POF1B: variants seen among roughly 807,000 people sequenced by gnomAD.
POF1B encodes POF1B actin binding protein.
A neutral mutation model predicts 55.3 loss-of-function variants in POF1B; 53 were observed. The observed-to-expected ratio is 0.96, with a 90% CI of 0.77 to 1.20. POF1B has a LOEUF of 1.20. POF1B is among the 50% of genes most tolerant of loss of function. POF1B has a pLI of 0.00. For missense variants in POF1B, 478 were observed against 420.5 expected (o/e 1.14, Z -1.20); for synonymous variants, 188 against 148.3 (o/e 1.27, Z -1.95).
intron 7 of POF1B, among the ~76,000 whole-genome samples, chrX:85,316,174 A>G: frequency 9.0e-6 from 1 of 111,555 alleles, no homozygotes; most frequent in Non-Finnish European, 1.9e-5. Context: ...CAAGTTCTTC[A>G]TACCCTCTTT....
At chrX:85,372,772 A>ATATATATATATATATAT (rs1193270205) in intron 2 of POF1B, among the ~76,000 whole-genome samples, 5 of 101,474 alleles carry the variant, frequency 4.9e-5, no homozygotes, top group African/African-American at 1.8e-4. Context: ...TATTATATAT[A>ATATATATATATATATAT]CTATATATAT....
intron 4 of POF1B, among the ~76,000 whole-genome samples, chrX:85,353,632 AC>A (rs1361098076): frequency 9.0e-6 from 1 of 110,800 alleles, no homozygotes; most frequent in African/African-American, 3.3e-5. Flanking sequence ...TCCCAAAGAG[AC>A]TCTTTTACAA....
In POF1B at chrX:85,379,269, C is replaced by T. The variant is rs770409277; in HGVS notation, c.186G>A (p.Val62=). Residue 62 remains valine, a synonymous_variant, in exon 2 of 17, where the codon GTG becomes GTA. Transcript: ENST00000262753. ...AGTTGAAGGGGTCCAAGGCCTGCACCACCTTGTTCATGGGCCCACTGTAGG... is the reference window on the plus strand; with the variant it reads ...AGTTGAAGGGGTCCAAGGCCTGCACTACCTTGTTCATGGGCCCACTGTAGG... The part of the protein sequence containing the change: ...VRTYSGPMNK[V]VQALDPFNSR... The T allele has an allele frequency of 3.3e-6, 4 of 1,208,072 alleles. No homozygotes were observed. Among genetic ancestry groups the T allele is most frequent in the East Asian group, 5.9e-5 (2 of 33,663 alleles).
At chrX:85,306,902 A>G (rs1022901459) in intron 11 of POF1B, among the ~76,000 whole-genome samples, 4 of 111,828 alleles carry the variant, frequency 3.6e-5, no homozygotes, top group Non-Finnish European at 7.5e-5. Flanking sequence ...GATTTTTAGT[A>G]TTTCTACAAT....
At chrX:85,365,511 CTA>C (rs1386226349) in intron 3 of POF1B, among the ~76,000 whole-genome samples, 1 of 111,718 alleles carries the variant, frequency 9.0e-6, no homozygotes, top group Non-Finnish European at 1.9e-5. Flanking sequence ...TCACAGGGGG[CTA>C]TGTTAGTGAG....
rs767949671 is a variant in POF1B at position 85,346,259 on chromosome X, G to A, written c.541-217C>T. On this transcript the variant is annotated intron_variant, in intron 5 of 16. Coordinates refer to ENST00000262753, the MANE Select transcript of POF1B (RefSeq NM_024921.4). ...TTTGATCAGGTTGTCGTGACCATCC[G>A]AATACTTATGTAGATTGGCCAAGGC... 6.4e-5 allele frequency among the ~76,000 whole-genome samples: 7 copies of A among 109,265 alleles called. No individual in the cohort carries two copies. The East Asian group carries it at 1.2e-3, about 18-fold the overall frequency. The allele number at this position is 109,265 out of a possible 115,157, so 94.9% of individuals were successfully genotyped here.
intron 16 of POF1B, among the ~76,000 whole-genome samples, chrX:85,279,823 A>C (rs2147886011): frequency 9.0e-6 from 1 of 110,942 alleles, no homozygotes; most frequent in East Asian, 2.8e-4. Flanking sequence ...GCACATTTTT[A>C]ATGGAGAGAG....
chrX:85,329,277 AAG>A (rs1185403344), intron 7 of POF1B, among the ~76,000 whole-genome samples: 1 of 111,859 alleles, frequency 8.9e-6, no homozygotes, highest in Non-Finnish European at 1.9e-5. Context: ...AACATGTGTA[AAG>A]AGATGAAATA....
chrX:85,345,408 T>C (rs1392044286), intron 6 of POF1B, among the ~76,000 whole-genome samples: 1 of 111,544 alleles, frequency 9.0e-6, no homozygotes, highest in African/African-American at 3.2e-5. Context: ...ACAAATAATA[T>C]ATTCTCAAAG....
intron 2 of POF1B, among the ~76,000 whole-genome samples, chrX:85,375,224 C>T (rs1251432531): frequency 8.9e-6 from 1 of 111,808 alleles, no homozygotes; most frequent in South Asian, 3.7e-4. Context: ...AAAAAGTTGG[C>T]TGAAATATAT....
At chrX:85,337,425 T>G (rs1933096666) in intron 6 of POF1B, among the ~76,000 whole-genome samples, 1 of 111,818 alleles carries the variant, frequency 8.9e-6, no homozygotes, top group Non-Finnish European at 1.9e-5. Context: ...GAAGTTACAT[T>G]CAGGTACTGT....
At chrX:85,350,138 T>A (rs1320905672) in intron 5 of POF1B, among the ~76,000 whole-genome samples, 1 of 110,093 alleles carries the variant, frequency 9.1e-6, no homozygotes, top group African/African-American at 3.3e-5. Flanking sequence ...ACCCACTAAC[T>A]CGTCATTTAG....
chrX:85,353,305 G>C (rs1933425831), intron 4 of POF1B, among the ~76,000 whole-genome samples: 1 of 111,023 alleles, frequency 9.0e-6, no homozygotes, highest in South Asian at 3.7e-4. Context: ...GGTTCTTCAA[G>C]CAGTGAGAAG....
intron 9 of POF1B, among the ~76,000 whole-genome samples, chrX:85,308,670 G>T (rs183198931): frequency 2.4e-3 from 264 of 110,171 alleles, no homozygotes; most frequent in African/African-American, 6.4e-3. Context: ...AATATTTTTG[G>T]TTTTTTTTGT....
chrX:85,353,893 G>T (rs1306785675), intron 4 of POF1B, among the ~76,000 whole-genome samples: 1 of 111,598 alleles, frequency 9.0e-6, no homozygotes, highest in Non-Finnish European at 1.9e-5. Context: ...TCAAGAAGCA[G>T]TAGGAAGTCA....
chrX:85,375,975 T>C (rs1394145509), intron 2 of POF1B, among the ~76,000 whole-genome samples: 3 of 111,277 alleles, frequency 2.7e-5, no homozygotes, highest in Non-Finnish European at 5.7e-5. Context: ...TCCTTTAAAA[T>C]GAAATATAGA....
At chrX:85,377,106 C>T (rs1255168274) in intron 2 of POF1B, among the ~76,000 whole-genome samples, 1 of 111,792 alleles carries the variant, frequency 8.9e-6, no homozygotes, top group Non-Finnish European at 1.9e-5. Context: ...TAAGGATAGA[C>T]TTTATTGAAA....
chrX:85,323,530 G>C (rs1339391711), intron 7 of POF1B, among the ~76,000 whole-genome samples: 2 of 108,036 alleles, frequency 1.9e-5, no homozygotes, highest in East Asian at 5.8e-4. Context: ...CACCAGCATG[G>C]CACATGTATA....
intron 3 of POF1B, among the ~76,000 whole-genome samples, chrX:85,366,687 C>T (rs1356913420): frequency 9.0e-6 from 1 of 110,963 alleles, no homozygotes; most frequent in Non-Finnish European, 1.9e-5. Flanking sequence ...AACCTTTATC[C>T]CACTGTCCAA....
Sources: gnomAD v4.1 joint callset for allele counts (sites outside exome capture counted in the v4.1 genomes callset) on GRCh38, gnomAD v4.1.1 for gene constraint, MANE v1.5 for transcripts, NCBI Gene and HGNC (gene_info 2026-07-23, HGNC 2026-07-21) for gene names.